The following CDH4 variants were observed in gnomAD, a reference collection of about 807,000 sequenced individuals.
CDH4 encodes the protein cadherin-4.
CDH4 carries 33 observed loss-of-function variants against 86.0 expected under a neutral mutation model. That is an observed-to-expected ratio of 0.38 (90% confidence interval 0.29 to 0.51). The LOEUF (loss-of-function observed/expected upper bound fraction) is 0.51. CDH4 is among the 20% of genes least tolerant of loss of function. CDH4 has a pLI of 0.86. For missense variants in CDH4, 1,114 were observed against 1,307.4 expected (o/e 0.85, Z 2.28); for synonymous variants, 555 against 549.4 (o/e 1.01, Z -0.14).
intron 4 of CDH4, among the ~76,000 whole-genome samples, chr20:61,824,515 C>T (rs1981219679): frequency 6.6e-6 from 1 of 152,178 alleles, no homozygotes; most frequent in Admixed American, 6.5e-5. Flanking sequence ...AATTCCCATC[C>T]TTTTTTCCCT....
chr20:61,379,380 G>A (rs115147459), intron 2 of CDH4, among the ~76,000 whole-genome samples: 161 of 152,120 alleles, frequency 1.1e-3, no homozygotes, highest in African/African-American at 2.1e-3. Flanking sequence ...AGACAACCAC[G>A]TAGAGTCATC....
At chr20:61,590,883 G>GT (rs2086514209) in intron 2 of CDH4, among the ~76,000 whole-genome samples, 2 of 152,210 alleles carry the variant, frequency 1.3e-5, no homozygotes, top group Middle Eastern at 3.4e-3. Flanking sequence ...CTATGGGGGG[G>GT]GGGGTCCCCG....
chr20:61,709,366 C>T lies in CDH4; in HGVS notation c.170-34197C>T, dbSNP rs557504183. Among the ~76,000 whole-genome samples the T allele has an allele frequency of 1.8e-4, 28 of 152,282 alleles. 1 individual carries two copies. Among genetic ancestry groups the T allele is most frequent in the Admixed American group, 9.1e-4 (14 of 15,308 alleles). On this transcript the variant is annotated intron_variant, in intron 2 of 15. Transcript: ENST00000614565. The surrounding 1 kb of genome is among the most constrained non-coding windows in gnomAD (Gnocchi z 4.8). Reference sequence around the variant, plus strand: ...CTTGGCTCACTGCAACCTCCGCCTCCTGGGTTCAAGCAATTCTCCTGCCTC... The same window carrying T: ...CTTGGCTCACTGCAACCTCCGCCTCTTGGGTTCAAGCAATTCTCCTGCCTC...
intron 2 of CDH4, among the ~76,000 whole-genome samples, chr20:61,527,192 C>T (rs75513070): frequency 0.02 from 2,982 of 152,370 alleles, 94 homozygotes; most frequent in African/African-American, 0.067. Context: ...CCAGGCGCCC[C>T]TGGCACCCTC....
Position 61,716,353 on chromosome 20 carries a change from C to T in CDH4, c.170-27210C>T, listed in dbSNP as rs139768965. On this transcript the variant is annotated intron_variant, in intron 2 of 15. Coordinates refer to ENST00000614565, the MANE Select transcript of CDH4 (RefSeq NM_001794.5). ...TTGGCTGGACCTGTAAAGGGGTGGA[C>T]GCTCCTCGCCTGTGAGCCTCCTCTT... Among the ~76,000 whole-genome samples the T allele has an allele frequency of 1.2e-3, 187 of 149,628 alleles. 1 individual carries two copies. Among genetic ancestry groups the T allele is most frequent in the African/African-American group, 3.8e-3 (155 of 40,842 alleles).
rs79872707 is a variant in CDH4 at position 61,698,234 on chromosome 20, A to G, written c.170-45329A>G. On this transcript the variant is annotated intron_variant, in intron 2 of 15. Coordinates refer to ENST00000614565, the MANE Select transcript of CDH4 (RefSeq NM_001794.5). The stretch of plus-strand genomic sequence containing the variant: ...GCTCTCTAAGCCAAGCACAAAGCCA[A>G]GTGCAGCCCCCACTGACCATTCCAG... Among the ~76,000 whole-genome samples, 701 of 152,356 alleles carry G rather than the reference A, an allele frequency of 4.6e-3. 19 individuals carry two copies. The highest frequency in any genetic ancestry group is 0.034 in the East Asian group (177 of 5,178).
intron 2 of CDH4, among the ~76,000 whole-genome samples, chr20:61,304,758 ATGT>A (rs990942123): frequency 3.4e-5 from 5 of 146,404 alleles, no homozygotes; most frequent in Non-Finnish European, 6.1e-5. Context: ...TGCAGTGTGC[ATGT>A]TGTGTGTGTG....
At chr20:61,554,498 TG>T (rs2086159117) in intron 2 of CDH4, among the ~76,000 whole-genome samples, 2 of 152,222 alleles carry the variant, frequency 1.3e-5, no homozygotes, top group Non-Finnish European at 2.9e-5. Context: ...CAGTGAGTGC[TG>T]GGAGAGCCAT....
chr20:61,838,566 C>G (rs560716431), intron 4 of CDH4, among the ~76,000 whole-genome samples: 1 of 152,088 alleles, frequency 6.6e-6, no homozygotes, highest in Non-Finnish European at 1.5e-5. Flanking sequence ...AATCCCAGCA[C>G]TTTGGGAGGC....
At chr20:61,369,614 TAG>T (rs1053777725) in intron 2 of CDH4, among the ~76,000 whole-genome samples, 1 of 151,892 alleles carries the variant, frequency 6.6e-6, no homozygotes, top group African/African-American at 2.4e-5. Context: ...AAGGATGTAT[TAG>T]AGATGAACCC....
chr20:61,466,805 C>T (rs1037584131), intron 2 of CDH4, among the ~76,000 whole-genome samples: 4 of 151,688 alleles, frequency 2.6e-5, no homozygotes, highest in Non-Finnish European at 2.9e-5. Context: ...GAGCCAAGAA[C>T]GCACCACTGC....
chr20:61,500,715 G>A (rs2085694751), intron 2 of CDH4, among the ~76,000 whole-genome samples: 1 of 152,204 alleles, frequency 6.6e-6, no homozygotes, highest in South Asian at 2.1e-4. Context: ...GCAGCATTAG[G>A]CAGAGGCATT....
intron 4 of CDH4, among the ~76,000 whole-genome samples, chr20:61,817,747 T>G (rs1406099094): frequency 6.6e-6 from 1 of 152,202 alleles, no homozygotes; most frequent in Non-Finnish European, 1.5e-5. Flanking sequence ...GCAAGGTCCG[T>G]TCCCACCAGC....
intron 2 of CDH4, among the ~76,000 whole-genome samples, chr20:61,327,111 G>A (rs564733889): frequency 6.5e-4 from 99 of 152,258 alleles, no homozygotes; most frequent in African/African-American, 2.3e-3. Flanking sequence ...TGAGCATTGT[G>A]TGAAGTGGTC....
intron 2 of CDH4, among the ~76,000 whole-genome samples, chr20:61,275,322 C>T (rs1421916616): frequency 2.0e-5 from 2 of 102,422 alleles, no homozygotes; most frequent in African/African-American, 4.0e-5. Flanking sequence ...GCACCGTGCG[C>T]AGTTTGGGAG....
intron 8 of CDH4, among the ~76,000 whole-genome samples, chr20:61,910,151 G>A (rs1014995228): frequency 1.3e-5 from 2 of 152,264 alleles, no homozygotes; most frequent in Middle Eastern, 6.8e-3. Flanking sequence ...GACACGGTGT[G>A]CTCTGTTTGT....
chr20:61,308,600 T>C (rs1600854115), intron 2 of CDH4, among the ~76,000 whole-genome samples: 1 of 152,162 alleles, frequency 6.6e-6, no homozygotes, highest in South Asian at 2.1e-4. Context: ...TGCCTGGGAG[T>C]GATGGGAAAT....
At chr20:61,301,488 C>A (rs917450452) in intron 2 of CDH4, among the ~76,000 whole-genome samples, 2 of 152,124 alleles carry the variant, frequency 1.3e-5, no homozygotes, top group African/African-American at 4.8e-5. Context: ...CGATGCTTCG[C>A]GAGGCCTCTT....
intron 2 of CDH4, among the ~76,000 whole-genome samples, chr20:61,696,588 G>T (rs1190848948): frequency 6.6e-6 from 1 of 152,240 alleles, no homozygotes; most frequent in Admixed American, 6.5e-5. Flanking sequence ...CAGTGCCTGG[G>T]TCAGGGAGGG....
Sources: gnomAD v4.1 joint callset for allele counts (sites outside exome capture counted in the v4.1 genomes callset) on GRCh38, gnomAD v4.1.1 for gene constraint, Gnocchi (gnomAD v3.1) non-coding constraint, MANE v1.5 for transcripts, NCBI Gene and HGNC (gene_info 2026-07-23, HGNC 2026-07-21) for gene names.